PPM1B: variants seen among roughly 807,000 people sequenced by gnomAD.
PPM1B encodes the protein protein phosphatase 1B.
Under a neutral mutation model 43.0 loss-of-function variants are expected in PPM1B, and 22 were observed. That is an observed-to-expected ratio of 0.51 (90% CI 0.37 to 0.73). PPM1B has a LOEUF of 0.73. Among genes scored for constraint, PPM1B ranks in the 30% least tolerant of loss-of-function variants. The probability of loss-of-function intolerance (pLI) is 0.00; values close to 1 mark genes in which losing one functional copy is unlikely to be tolerated. For synonymous variants in PPM1B, 217 were observed against 197.9 expected, an observed-to-expected ratio of 1.10 and a Z score of -0.81; for missense variants, 632 against 584.2, an observed-to-expected ratio of 1.08 and a Z score of -0.84.
intron 1 of PPM1B, among the ~76,000 whole-genome samples, chr2:44,181,387 G>C (rs1349416554): frequency 3.3e-5 from 5 of 152,318 alleles, no homozygotes; most frequent in Admixed American, 1.3e-4. Context: ...GAAGGTTCTT[G>C]ATAAGGGTGT....
chr2:44,177,550 C>G (rs1225511635), intron 1 of PPM1B, among the ~76,000 whole-genome samples: 1 of 150,716 alleles, frequency 6.6e-6, no homozygotes, highest in Non-Finnish European at 1.5e-5. Context: ...TCGTGAGTAG[C>G]TGAGATTACA....
downstream of PPM1B, chr2:44,232,502 A>G (rs1280470328): frequency 1.1e-5 from 16 of 1,482,782 alleles, no homozygotes; most frequent in Non-Finnish European, 1.3e-5. Flanking sequence ...ATTTGTTCAT[A>G]TTTGTGTTTT....
chr2:44,234,180 A>T, downstream of PPM1B: 1 of 982,144 alleles, frequency 1.0e-6, no homozygotes, highest in Non-Finnish European at 1.2e-6. Flanking sequence ...GTACAGGACA[A>T]TATTAACCCC....
rs544813547 is a variant in PPM1B, at chr2:44,170,174, C to CA, written c.-15+907dup. On this transcript the variant is annotated intron_variant, in intron 1 of 5. Coordinates refer to ENST00000282412, the MANE Select transcript of PPM1B (RefSeq NM_002706.6). Reference sequence around the variant, plus strand: ...TGGGACGTTTGCCCATCTTATTCGGCAAAAAAAGTGCTTCTTAGGCGTTTG... The same window carrying CA: ...TGGGACGTTTGCCCATCTTATTCGGCAAAAAAAAGTGCTTCTTAGGCGTTTG... Among the ~76,000 whole-genome samples, 8 of 152,104 alleles carry CA rather than the reference C, an allele frequency of 5.3e-5. No homozygotes were observed. The South Asian group carries it at 1.2e-3, about 24-fold the overall frequency.
Position 44,201,539 on chromosome 2 carries a change from G to C in PPM1B, c.340G>C (p.Asp114His). The C allele has an allele frequency of 6.2e-7, 1 of 1,614,152 alleles. No individual in the cohort carries two copies. The highest frequency in any genetic ancestry group is 8.5e-7 in the Non-Finnish European group (1 of 1,180,030). Residue 114 changes from aspartate to histidine, a missense_variant, in exon 2 of 6, where the codon GAT (aspartate) becomes CAT (histidine). Physicochemically the swap from Asp to His is moderately conservative, Grantham distance 81. Coordinates refer to ENST00000282412, the MANE Select transcript of PPM1B (RefSeq NM_002706.6). The surrounding 1 kb of genome is among the most constrained non-coding windows in gnomAD (Gnocchi z 5.4). The part of the protein sequence containing the change: ...NGIRTGFLKI[D>H]EYMRNFSDLR... The stretch of plus-strand genomic sequence containing the variant: ...TATCAGAACTGGATTTTTGAAAATT[G>C]ATGAATACATGCGTAACTTTTCAGA...
chr2:44,228,965 C>T (rs1670349923), intron 5 of PPM1B, among the ~76,000 whole-genome samples: 1 of 152,050 alleles, frequency 6.6e-6, no homozygotes, highest in Admixed American at 6.5e-5. Context: ...GGCAGATCAC[C>T]TGAGGTTGGG....
downstream of PPM1B, among the ~76,000 whole-genome samples, chr2:44,235,193 T>A (rs542750435): frequency 1.3e-5 from 2 of 152,382 alleles, no homozygotes; most frequent in South Asian, 4.1e-4. Context: ...GCATTTTGAA[T>A]GGACCTTCTG....
At chr2:44,235,331 C>T (rs1026753617), downstream of PPM1B, among the ~76,000 whole-genome samples, 5 of 152,194 alleles carry the variant, frequency 3.3e-5, no homozygotes, top group Admixed American at 1.3e-4. Flanking sequence ...AGGGTAGGCA[C>T]AGTGATTCAT....
At chr2:44,192,185 G>C (rs1157053716) in intron 1 of PPM1B, among the ~76,000 whole-genome samples, 14 of 98,638 alleles carry the variant, frequency 1.4e-4, no homozygotes, top group Non-Finnish European at 2.1e-5. Flanking sequence ...GTTATGTTAT[G>C]TTATGGTATT....
downstream of PPM1B, chr2:44,233,147 A>T (rs1337604464): frequency 6.2e-6 from 6 of 970,964 alleles, no homozygotes; most frequent in Non-Finnish European, 7.3e-6. Flanking sequence ...TTTGTTTTAC[A>T]TGTGGGTTTC....
intron 3 of PPM1B, among the ~76,000 whole-genome samples, chr2:44,216,833 G>T (rs1332234692): frequency 2.0e-5 from 3 of 151,168 alleles, no homozygotes; most frequent in African/African-American, 7.3e-5. Flanking sequence ...GCTGAGGCAG[G>T]AGAATCGCTT....
At chr2:44,236,950 T>C (rs796263639), downstream of PPM1B, among the ~76,000 whole-genome samples, 8 of 152,368 alleles carry the variant, frequency 5.3e-5, no homozygotes, top group African/African-American at 1.9e-4. Context: ...AATAGCAAAG[T>C]GTGATGTTTT....
At chr2:44,209,179 AT>A (rs752218025) in intron 2 of PPM1B, 30 bp from the exon 3 acceptor site, 35 of 1,508,036 alleles carry the variant, frequency 2.3e-5, no homozygotes, top group African/African-American at 2.0e-4. Flanking sequence ...TAGAAATACA[AT>A]TTTTTTTCTT....
Position 44,209,263 on chromosome 2 carries a change from G to A in PPM1B, c.900G>A (p.Lys300=). The change falls in exon 3 of 6, where the codon AAG becomes AAA. Residue 300 remains lysine, a synonymous_variant. Transcript: ENST00000282412. ...IVLVCFSNAP[K]VSDEAVKKDS... ...TAGTTTGCTTTTCAAATGCTCCCAAGGTCTCAGATGAAGCGGTGAAAAAAG... is the reference window on the plus strand; with the variant it reads ...TAGTTTGCTTTTCAAATGCTCCCAAAGTCTCAGATGAAGCGGTGAAAAAAG... 1 of 1,613,846 alleles carries A rather than the reference G, an allele frequency of 6.2e-7. No homozygotes were observed. The highest frequency in any genetic ancestry group is 1.1e-5 in the South Asian group (1 of 91,082).
At chr2:44,184,233 G>A (rs1182270063) in intron 1 of PPM1B, among the ~76,000 whole-genome samples, 7 of 152,172 alleles carry the variant, frequency 4.6e-5, no homozygotes, top group African/African-American at 1.7e-4. Flanking sequence ...GCTCTAATAG[G>A]TATCCAGTGG....
intron 1 of PPM1B, among the ~76,000 whole-genome samples, chr2:44,192,188 A>AT (rs1668435824): frequency 2.8e-5 from 4 of 142,042 alleles, no homozygotes; most frequent in Non-Finnish European, 6.0e-5. Context: ...ATGTTATGTT[A>AT]TGGTATTGTA....
intron 1 of PPM1B, among the ~76,000 whole-genome samples, chr2:44,182,383 C>T (rs1667916619): frequency 6.6e-6 from 1 of 152,118 alleles, no homozygotes; most frequent in African/African-American, 2.4e-5. Context: ...CCTCAGCCTC[C>T]TGAGTAGCTG....
intron 1 of PPM1B, among the ~76,000 whole-genome samples, chr2:44,198,884 G>A (rs1668786829): frequency 6.6e-6 from 1 of 152,150 alleles, no homozygotes; most frequent in South Asian, 2.1e-4. Flanking sequence ...GAATGAATTA[G>A]TTTAAGCAGT....
At chr2:44,211,782 T>C (rs1261046039) in intron 3 of PPM1B, among the ~76,000 whole-genome samples, 1 of 143,964 alleles carries the variant, frequency 6.9e-6, no homozygotes, top group East Asian at 2.1e-4. Context: ...GGAGTTTCGC[T>C]GTTGTTGCCC....
Sources: gnomAD v4.1 joint callset for allele counts (sites outside exome capture counted in the v4.1 genomes callset) on GRCh38, gnomAD v4.1.1 for gene constraint, Gnocchi (gnomAD v3.1) non-coding constraint, MANE v1.5 for transcripts, NCBI Gene and HGNC (gene_info 2026-07-23, HGNC 2026-07-21) for gene names.